The following CEP57L1 variants were observed in gnomAD, a reference collection of about 807,000 sequenced individuals.
CEP57L1 encodes centrosomal protein CEP57L1.
Under a neutral mutation model 61.0 loss-of-function variants are expected in CEP57L1, and 37 were observed. The observed-to-expected ratio is 0.61, with a 90% CI of 0.47 to 0.80. CEP57L1 has a LOEUF of 0.80. Ranked by LOEUF, CEP57L1 falls within the 30% of genes least tolerant of loss-of-function variation. The pLI is 0.00. For synonymous variants in CEP57L1, 137 were observed against 162.3 expected, an observed-to-expected ratio of 0.84 and a Z score of 1.19; for missense variants, 422 against 524.7, an observed-to-expected ratio of 0.80 and a Z score of 1.91.
chr6:109,140,827 G>GT (rs950772105), intron 1 of CEP57L1, among the ~76,000 whole-genome samples: 1 of 151,800 alleles, frequency 6.6e-6, no homozygotes, highest in East Asian at 1.9e-4. Flanking sequence ...AATTTTTAGA[G>GT]TTTTTTATTT....
rs775878087 is a variant in CEP57L1, at chr6:109,164,808, G to A, written c.*1838G>A. Among the ~76,000 whole-genome samples the A allele has an allele frequency of 2.4e-4, 37 of 152,048 alleles. No individual in the cohort carries two copies. The highest frequency in any genetic ancestry group is 4.4e-4 in the Non-Finnish European group (30 of 68,014). On this transcript the variant is annotated 3_prime_UTR_variant, in exon 11 of 11. Coordinates refer to ENST00000517392, the MANE Select transcript of CEP57L1 (RefSeq NM_001271852.3). ...TTAAAAATTTAAAAACCGTCCAGGC[G>A]CGGTGGCTCACACCTATAATCCCAG...
intron 1 of CEP57L1, among the ~76,000 whole-genome samples, chr6:109,098,548 C>T (rs1052985959): frequency 2.0e-5 from 3 of 152,178 alleles, no homozygotes; most frequent in Admixed American, 6.5e-5. Context: ...AATCCTCCCA[C>T]CTCAGTCTCC....
intron 1 of CEP57L1, among the ~76,000 whole-genome samples, chr6:109,129,852 TA>T (rs1328049997): frequency 1.3e-5 from 2 of 152,050 alleles, no homozygotes; most frequent in East Asian, 3.8e-4. Flanking sequence ...AAAATTTCTT[TA>T]AAAATTGTTT....
chr6:109,134,766 A>G (rs1416185005), intron 1 of CEP57L1, among the ~76,000 whole-genome samples: 8 of 152,116 alleles, frequency 5.3e-5, no homozygotes, highest in Non-Finnish European at 5.9e-5. Context: ...TTATACACCA[A>G]TAACAGACAA....
chr6:109,112,361 G>A (rs1035968898), intron 1 of CEP57L1, among the ~76,000 whole-genome samples: 1 of 152,226 alleles, frequency 6.6e-6, no homozygotes, highest in Admixed American at 6.5e-5. Flanking sequence ...TGTGGGATTG[G>A]TGGTGATATC....
chr6:109,152,474 C>T (rs1484751890), intron 4 of CEP57L1, among the ~76,000 whole-genome samples: 2 of 152,092 alleles, frequency 1.3e-5, no homozygotes, highest in Admixed American at 6.5e-5. Context: ...TGAGCCACCA[C>T]GCCCGGCCTA....
intron 1 of CEP57L1, among the ~76,000 whole-genome samples, chr6:109,141,435 G>A (rs1035592004): frequency 9.9e-5 from 15 of 151,732 alleles, no homozygotes; most frequent in South Asian, 6.2e-4. Context: ...GGTTGGTCTC[G>A]AACTCCTGAC....
intron 2 of CEP57L1, 118 bp downstream of exon 2, chr6:109,145,499 C>A: frequency 2.9e-6 from 2 of 685,006 alleles, no homozygotes; most frequent in Non-Finnish European, 4.6e-6. Flanking sequence ...AACTTTGATT[C>A]TGTTGCTAAA....
chr6:109,119,193 A>G (rs1162252303), intron 1 of CEP57L1, among the ~76,000 whole-genome samples: 1 of 152,182 alleles, frequency 6.6e-6, no homozygotes, highest in Non-Finnish European at 1.5e-5. Flanking sequence ...ATATGCCCTG[A>G]GGAGGTCTTT....
At chr6:109,148,364 C>A (rs1450399160) in intron 3 of CEP57L1, among the ~76,000 whole-genome samples, 1 of 151,556 alleles carries the variant, frequency 6.6e-6, no homozygotes, top group Non-Finnish European at 1.5e-5. Flanking sequence ...TGAGAACATG[C>A]GGTGTTTGGT....
Position 109,117,804 on chromosome 6 carries a change from A to G in CEP57L1, c.-4+22229A>G, listed in dbSNP as rs373070829. ...TCACAGGCAACGTCTATATGGATAC[A>G]AGGGAAGTTCAATTGGAGCCATAAT... On this transcript the variant is annotated intron_variant, in intron 1 of 10. Coordinates refer to ENST00000517392, the MANE Select transcript of CEP57L1 (RefSeq NM_001271852.3). Among the ~76,000 whole-genome samples, 14 of 152,294 alleles carry G rather than the reference A, an allele frequency of 9.2e-5. No individual in the cohort carries two copies. The South Asian group carries it at 2.1e-3, about 23-fold the overall frequency.
chr6:109,112,144 C>T (rs1035992582), intron 1 of CEP57L1, among the ~76,000 whole-genome samples: 2 of 152,086 alleles, frequency 1.3e-5, no homozygotes, highest in African/African-American at 4.8e-5. Flanking sequence ...CTGTGAATCT[C>T]TCTGGTCCTG....
At chr6:109,126,879 G>A (rs993067369) in intron 1 of CEP57L1, among the ~76,000 whole-genome samples, 1 of 152,126 alleles carries the variant, frequency 6.6e-6, no homozygotes, top group Non-Finnish European at 1.5e-5. Context: ...TTAAAAAACT[G>A]GCTGTTGGCC....
chr6:109,138,322 A>C (rs574383615), intron 1 of CEP57L1, among the ~76,000 whole-genome samples: 1 of 152,308 alleles, frequency 6.6e-6, no homozygotes, highest in African/African-American at 2.4e-5. Flanking sequence ...AATCTCTTAC[A>C]ATAATCTAGG....
chr6:109,096,285 T>A (rs1216778632), intron 1 of CEP57L1, among the ~76,000 whole-genome samples: 1 of 152,244 alleles, frequency 6.6e-6, no homozygotes, highest in African/African-American at 2.4e-5. Flanking sequence ...TTCGTCTTGC[T>A]AGGCACTGAG....
rs1384921003 is a variant in CEP57L1 at position 109,163,787 on chromosome 6, C to G, written c.*817C>G. 6.6e-6 allele frequency: 1 copy of G among 151,912 alleles called. No individual in the cohort carries two copies. Among genetic ancestry groups the G allele is most frequent in the Non-Finnish European group, 1.5e-5 (1 of 67,978 alleles). The allele number at this position is 151,912 out of a possible 1,614,324, so 9.4% of individuals were successfully genotyped here. On this transcript the variant is annotated 3_prime_UTR_variant, in exon 11 of 11. Coordinates refer to ENST00000517392, the MANE Select transcript of CEP57L1 (RefSeq NM_001271852.3). Reference sequence around the variant, plus strand: ...AAGAGGAAGCTGGGCATTAAATTACCTCATCCAGCAGAAATTCACGGTAGT... The same window carrying G: ...AAGAGGAAGCTGGGCATTAAATTACGTCATCCAGCAGAAATTCACGGTAGT...
rs1774409535 is a variant in CEP57L1, at chr6:109,171,566, C to T, written c.*8596C>T. ...TGCCTAGAGTTTGATTCTCTTAAAC[C>T]GTTCTACTAAAATACTATCAGTTTA... On this transcript the variant is annotated 3_prime_UTR_variant, in exon 11 of 11. Coordinates refer to ENST00000517392, the MANE Select transcript of CEP57L1 (RefSeq NM_001271852.3). 6.6e-6 allele frequency among the ~76,000 whole-genome samples: 1 copy of T among 151,942 alleles called. No individual in the cohort carries two copies. The highest frequency in any genetic ancestry group is 6.6e-5 in the Admixed American group (1 of 15,220).
intron 1 of CEP57L1, among the ~76,000 whole-genome samples, chr6:109,117,756 C>T (rs1052843505): frequency 4.6e-5 from 7 of 152,052 alleles, no homozygotes; most frequent in South Asian, 2.1e-4. Context: ...CAATATTAAG[C>T]GAAGTGAATT....
At chr6:109,098,477 A>G (rs1375025613) in intron 1 of CEP57L1, among the ~76,000 whole-genome samples, 1 of 151,512 alleles carries the variant, frequency 6.6e-6, no homozygotes, top group African/African-American at 2.4e-5. Context: ...GAATCTGACT[A>G]TGTCACCCAG....
Sources: gnomAD v4.1 joint callset for allele counts (sites outside exome capture counted in the v4.1 genomes callset) on GRCh38, gnomAD v4.1.1 for gene constraint, MANE v1.5 for transcripts, NCBI Gene and HGNC (gene_info 2026-07-23, HGNC 2026-07-21) for gene names.